KDM3A: variants seen among roughly 807,000 people sequenced by gnomAD.
KDM3A encodes lysine demethylase 3A.
A neutral mutation model predicts 158.0 loss-of-function variants in KDM3A; 60 were observed. The observed-to-expected ratio is 0.38, with a 90% confidence interval of 0.31 to 0.47. The LOEUF is 0.47. KDM3A is among the 20% of genes least tolerant of loss of function. The probability of loss-of-function intolerance (pLI) is 0.99; values close to 1 mark genes in which losing one functional copy is unlikely to be tolerated. For synonymous variants in KDM3A, 608 were observed against 549.3 expected, an observed-to-expected ratio of 1.11 and a Z score of -1.49; for missense variants, 1,319 against 1,574.3, an observed-to-expected ratio of 0.84 and a Z score of 2.74.
In KDM3A at chr2:86,457,023, T is replaced by C; in HGVS notation, c.795T>C (p.Ser265=). 6.2e-7 allele frequency: 1 copy of C among 1,601,700 alleles called. No homozygotes were observed. The highest frequency in any genetic ancestry group is 8.5e-7 in the Non-Finnish European group (1 of 1,172,678). The change falls in exon 8 of 26, where the codon TCT becomes TCC. Residue 265 remains serine (S), a synonymous_variant. Transcript: ENST00000312912. ...TTGGAGCTGTAAAACGCAAGTCTTC[T>C]GAGAATAATGGAACCCTGGTTTCCA... is the stretch of plus-strand genomic sequence containing the variant. The part of the protein sequence containing the change: ...ARIGAVKRKS[S]ENNGTLVSKQ...
At chr2:86,467,884 G>A (rs938912824) in intron 10 of KDM3A, among the ~76,000 whole-genome samples, 3 of 151,984 alleles carry the variant, frequency 2.0e-5, no homozygotes, top group African/African-American at 7.3e-5. Flanking sequence ...AATCAGCCAG[G>A]CATGGTGGGG....
At chr2:86,484,740 C>G in intron 19 of KDM3A, 1 of 499,652 alleles carries the variant, frequency 2.0e-6, no homozygotes, top group Non-Finnish European at 3.6e-6. Flanking sequence ...TTTTTTTACA[C>G]TGCAGAAATA....
chr2:86,456,359 A>G lies in KDM3A; in HGVS notation c.557-83A>G, dbSNP rs967991519. 5 of 999,186 alleles carry G rather than the reference A, an allele frequency of 5.0e-6. No homozygotes were observed. The Admixed American group carries it at 1.1e-4, about 21-fold the overall frequency. 61.9% of individuals were successfully genotyped at this position (999,186 alleles called of 1,614,324 possible). On this transcript the variant is annotated intron_variant, in intron 5 of 25. Coordinates refer to ENST00000312912, the MANE Select transcript of KDM3A (RefSeq NM_018433.6). Reference sequence around the variant, plus strand: ...TTTTGCGTTTTTTTAAAAAAGACTTAGGAAAAGATTGTCCTGGATGATGTT... The same window carrying G: ...TTTTGCGTTTTTTTAAAAAAGACTTGGGAAAAGATTGTCCTGGATGATGTT...
In KDM3A at chr2:86,492,193, A is replaced by G; in HGVS notation, c.*74A>G. On this transcript the variant is annotated 3_prime_UTR_variant, in exon 26 of 26. Transcript: ENST00000312912. ...AGGCAGGATTCCTGTGGACTTTGAG[A>G]TTCATGTTACCTCATCTTCTTTTTT... 9.2e-7 allele frequency: 1 copy of G among 1,083,098 alleles called. No homozygotes were observed. Among genetic ancestry groups the G allele is most frequent in the Non-Finnish European group, 1.4e-6 (1 of 710,236 alleles). 67.1% of individuals were successfully genotyped at this position (1,083,098 alleles called of 1,614,324 possible).
At chr2:86,437,321 C>A (rs578143626), upstream of KDM3A, among the ~76,000 whole-genome samples, 1 of 152,066 alleles carries the variant, frequency 6.6e-6, no homozygotes, top group South Asian at 2.1e-4. Context: ...CTAATTTTTA[C>A]AGTAGCGATG....
chr2:86,454,968 G>T (rs1672623868), intron 4 of KDM3A, 117 bp from the exon 5 acceptor site: 3 of 587,000 alleles, frequency 5.1e-6, no homozygotes, highest in Admixed American at 7.2e-5. Context: ...GCTATCACAT[G>T]GTTTGTTGAC....
chr2:86,469,050 C>G (rs181318521), intron 10 of KDM3A, among the ~76,000 whole-genome samples: 64 of 152,294 alleles, frequency 4.2e-4, no homozygotes, highest in African/African-American at 1.4e-3. Flanking sequence ...AACTACTAAT[C>G]TCTTTATTTT....
intron 2 of KDM3A, among the ~76,000 whole-genome samples, chr2:86,445,570 C>T (rs1462326634): frequency 6.6e-6 from 1 of 152,080 alleles, no homozygotes; most frequent in Non-Finnish European, 1.5e-5. Flanking sequence ...CGTCTAATGC[C>T]CCTTCTTAGT....
intron 9 of KDM3A, among the ~76,000 whole-genome samples, chr2:86,466,153 G>T (rs1673136371): frequency 6.6e-6 from 1 of 150,858 alleles, no homozygotes; most frequent in African/African-American, 2.4e-5. Context: ...ACATAATTTA[G>T]GGTTGTATTT....
chr2:86,483,856 T>A, intron 18 of KDM3A, 131 bp from the exon 19 acceptor site: 1 of 712,642 alleles, frequency 1.4e-6, no homozygotes, highest in Non-Finnish European at 2.3e-6. Context: ...GCCGAAACTG[T>A]CACATCACCA....
chr2:86,459,222 TAGTA>T (rs570512997), intron 8 of KDM3A, among the ~76,000 whole-genome samples: 2 of 152,240 alleles, frequency 1.3e-5, no homozygotes, highest in African/African-American at 4.8e-5. Context: ...AGGGAACAGA[TAGTA>T]AGGCTCTGGG....
intron 4 of KDM3A, among the ~76,000 whole-genome samples, chr2:86,453,156 T>C (rs1672539025): frequency 6.6e-6 from 1 of 152,176 alleles, no homozygotes; most frequent in African/African-American, 2.4e-5. Context: ...AGTAAGTTTA[T>C]ATTTGTTCTC....
chr2:86,458,189 A>G (rs1380685103), intron 8 of KDM3A, among the ~76,000 whole-genome samples: 1 of 152,218 alleles, frequency 6.6e-6, no homozygotes, highest in Non-Finnish European at 1.5e-5. Flanking sequence ...AGCATCGACT[A>G]GAACCAAAGC....
At chr2:86,451,937 A>G (rs1203020292) in intron 4 of KDM3A, among the ~76,000 whole-genome samples, 1 of 152,252 alleles carries the variant, frequency 6.6e-6, no homozygotes, top group Non-Finnish European at 1.5e-5. Context: ...GCATACATAT[A>G]TACAAGCAAT....
At chr2:86,479,448 G>C (rs530623399) in intron 15 of KDM3A, 1 of 152,100 alleles carries the variant, frequency 6.6e-6, no homozygotes, top group African/African-American at 2.4e-5. Context: ...GTGTTACTTT[G>C]GCTGAAGTGA....
chr2:86,462,525 C>CAAA (rs558107019), intron 8 of KDM3A, among the ~76,000 whole-genome samples: 1 of 151,918 alleles, frequency 6.6e-6, no homozygotes, highest in Non-Finnish European at 1.5e-5. Flanking sequence ...TTAGGAAACT[C>CAAA]AAAAAACACC....
chr2:86,473,855 T>C (rs1317659676), intron 11 of KDM3A, among the ~76,000 whole-genome samples: 4 of 152,216 alleles, frequency 2.6e-5, no homozygotes, highest in Non-Finnish European at 5.9e-5. Flanking sequence ...AATGAACAAA[T>C]GTTCTGCCCT....
rs1673574218 is a variant in KDM3A at position 86,474,700 on chromosome 2, GTTGTGTGT to G, written c.1725-75_1725-68del. ...AAAAGTAATTACAAGTTGTAAATAA[GTTGTGTGT>G]GTGTGTGTGTGTGTGTGTGTGTGTG... On this transcript the variant is annotated intron_variant, in intron 11 of 25. Coordinates refer to ENST00000312912, the MANE Select transcript of KDM3A (RefSeq NM_018433.6). The G allele has an allele frequency of 1.2e-5, 5 of 430,490 alleles. No homozygotes were observed. The East Asian group carries it at 2.2e-4, about 19-fold the overall frequency. The allele number at this position is 430,490 out of a possible 1,614,324, so 26.7% of individuals were successfully genotyped here. A position where few individuals can be genotyped will look rare whatever the true frequency, so the allele number is the denominator to read the frequency against.
intron 21 of KDM3A, chr2:86,488,296 C>T (rs944621997): frequency 3.9e-5 from 6 of 152,160 alleles, no homozygotes; most frequent in Non-Finnish European, 5.9e-5. Flanking sequence ...CTGGTAGTGA[C>T]TCCATATAAC....
Sources: gnomAD v4.1 joint callset for allele counts (sites outside exome capture counted in the v4.1 genomes callset) on GRCh38, gnomAD v4.1.1 for gene constraint, MANE v1.5 for transcripts, NCBI Gene and HGNC (gene_info 2026-07-23, HGNC 2026-07-21) for gene names.